Variants in TRIOBP observed in about 807,000 individuals in gnomAD.
TRIOBP encodes the protein TRIO and F-actin-binding protein.
Under a neutral mutation model 238.8 loss-of-function variants are expected in TRIOBP, and 169 were observed. The observed-to-expected ratio is 0.71, with a 90% CI of 0.62 to 0.80. The LOEUF (loss-of-function observed/expected upper bound fraction) is 0.80, where lower values mean the gene tolerates loss of function less well. TRIOBP is among the 30% of genes least tolerant of loss of function. The pLI is 0.00. For synonymous variants in TRIOBP, 1,150 were observed against 1,274.4 expected (o/e 0.90, Z 2.08); for missense variants, 2,838 against 3,122.6 (o/e 0.91, Z 2.17).
At chr22:37,751,742 C>T in intron 11 of TRIOBP, 30 bp from the exon 12 acceptor site, 1 of 1,613,898 alleles carries the variant, frequency 6.2e-7, no homozygotes, top group Non-Finnish European at 8.5e-7. Flanking sequence ...CTGCTGGACC[C>T]AACTCACCTC....
chr22:37,705,612 G>A (rs1922903710), intron 3 of TRIOBP, among the ~76,000 whole-genome samples: 1 of 151,768 alleles, frequency 6.6e-6, no homozygotes, highest in South Asian at 2.1e-4. Flanking sequence ...GTCTCGCTCT[G>A]TCGCACAGGC....
chr22:37,730,351 C>T (rs1466418364), intron 7 of TRIOBP, among the ~76,000 whole-genome samples: 1 of 152,114 alleles, frequency 6.6e-6, no homozygotes, highest in Non-Finnish European at 1.5e-5. Flanking sequence ...TCACTCTTTT[C>T]TCTCAGTTCT....
chr22:37,767,716 G>C (rs939656387), intron 18 of TRIOBP, among the ~76,000 whole-genome samples: 1 of 152,134 alleles, frequency 6.6e-6, no homozygotes, highest in Non-Finnish European at 1.5e-5. Flanking sequence ...TGCAGGGGGG[G>C]TGTACTAGGT....
In TRIOBP at chr22:37,771,968, A is replaced by G. The variant is rs1221032140; in HGVS notation, c.6936+232A>G. The G allele has an allele frequency of 7.9e-6, 5 of 635,512 alleles. No homozygotes were observed. The East Asian group carries it at 9.2e-5, about 12-fold the overall frequency. 39.4% of individuals were successfully genotyped at this position (635,512 alleles called of 1,614,324 possible). On this transcript the variant is annotated intron_variant, in intron 22 of 23. Coordinates refer to ENST00000644935, the MANE Select transcript of TRIOBP (RefSeq NM_001039141.3). ...ACTTGGCTTCTGTTTATTTAGCATT[A>G]TTTAATTTATTGATTATTATTGAGC...
In TRIOBP at chr22:37,735,036, G is replaced by A. The variant is rs202042120; in HGVS notation, c.4700G>A (p.Arg1567Gln). 1.5e-5 allele frequency: 24 copies of A among 1,608,726 alleles called. No homozygotes were observed. The highest frequency in any genetic ancestry group is 4.5e-5 in the East Asian group (2 of 44,758). Residue 1567 changes from arginine to glutamine, a missense_variant, in exon 9 of 24, where the codon CGG becomes CAG. By Grantham distance (43) the Arg-to-Gln change is conservative. This residue lies in a region of TRIOBP where 2,096 missense variants were observed against 2,137.4 expected (regional missense o/e 0.98). Coordinates refer to ENST00000644935, the MANE Select transcript of TRIOBP (RefSeq NM_001039141.3). ...LDWRDLLGLL[R>Q]APGEGVWARV... ...TGGAGGGATCTGCTTGGCCTTCTCCGGGCACCAGGAGAGGGGGTCTGGGCC... is the reference window on the plus strand; with the variant it reads ...TGGAGGGATCTGCTTGGCCTTCTCCAGGCACCAGGAGAGGGGGTCTGGGCC...
intron 9 of TRIOBP, 44 bp downstream of exon 9, chr22:37,735,486 C>A: frequency 6.5e-7 from 1 of 1,539,290 alleles, no homozygotes; most frequent in Non-Finnish European, 8.7e-7. Context: ...GAAAGTCAGC[C>A]CCACTCAGCC....
At chr22:37,722,556 G>A (rs74685717) in intron 6 of TRIOBP, among the ~76,000 whole-genome samples, 3 of 150,726 alleles carry the variant, frequency 2.0e-5, no homozygotes, top group African/African-American at 4.9e-5. Flanking sequence ...GTGAAACCCC[G>A]TCTCTACTAA....
intron 21 of TRIOBP, among the ~76,000 whole-genome samples, chr22:37,770,830 C>T (rs1926738917): frequency 6.6e-6 from 1 of 151,970 alleles, no homozygotes; most frequent in Admixed American, 6.5e-5. Context: ...CTACAGGCAC[C>T]CGCCACCACA....
In TRIOBP at chr22:37,709,579, CA is replaced by C. The variant is rs541137956; in HGVS notation, c.115-847del. ...CAGCCACCACCACCACCAGAGCCCG[CA>C]GCCCAGGTAATCCGAGAGGAGGCGG... is the stretch of plus-strand genomic sequence containing the variant. On this transcript the variant is annotated intron_variant, in intron 3 of 23. Transcript: ENST00000644935. Among the ~76,000 whole-genome samples, 5 of 152,326 alleles carry C rather than the reference CA, an allele frequency of 3.3e-5. No homozygotes were observed. The South Asian group carries it at 1.0e-3, about 32-fold the overall frequency.
At chr22:37,753,367 C>T (rs940578844) in intron 12 of TRIOBP, among the ~76,000 whole-genome samples, 3 of 152,122 alleles carry the variant, frequency 2.0e-5, no homozygotes, top group Admixed American at 6.5e-5. Flanking sequence ...TTCCGCCTCC[C>T]GGGTTCAAGC....
Position 37,715,749 on chromosome 22 carries a change from C to A in TRIOBP, c.457-14C>A, listed in dbSNP as rs1012269670. 6.2e-7 allele frequency: 1 copy of A among 1,613,530 alleles called. No homozygotes were observed. The highest frequency in any genetic ancestry group is 1.6e-4 in the Middle Eastern group (1 of 6,062). ...TCTCCCGCAAACATACTTTCTCCTC[C>A]CCTTCTCTGGCAGGACTGGGACACT... On this transcript the variant is annotated splice_polypyrimidine_tract_variant and intron_variant, in intron 5 of 23. Coordinates refer to ENST00000644935, the MANE Select transcript of TRIOBP (RefSeq NM_001039141.3).
At chr22:37,728,574 C>G (rs1427518271) in intron 7 of TRIOBP, among the ~76,000 whole-genome samples, 1 of 152,032 alleles carries the variant, frequency 6.6e-6, no homozygotes, top group Non-Finnish European at 1.5e-5. Flanking sequence ...AAACAAAAAC[C>G]CAGAGCAGTT....
At chr22:37,768,270 C>G (rs1926600266) in intron 19 of TRIOBP, 94 bp downstream of exon 19, 2 of 1,046,758 alleles carry the variant, frequency 1.9e-6, no homozygotes, top group Admixed American at 4.0e-5. Flanking sequence ...TCAGTTTGCC[C>G]CTAGCTGAGA....
chr22:37,703,757 G>A (rs1255462600), intron 3 of TRIOBP, among the ~76,000 whole-genome samples: 3 of 151,622 alleles, frequency 2.0e-5, no homozygotes, highest in Non-Finnish European at 4.4e-5. Context: ...CGCCCACCTC[G>A]ACCTCCCAAA....
intron 13 of TRIOBP, 34 bp downstream of exon 13, chr22:37,755,018 A>G: frequency 6.2e-7 from 1 of 1,611,870 alleles, no homozygotes; most frequent in Non-Finnish European, 8.5e-7. Flanking sequence ...AACCCCCGGA[A>G]GGGCCTGGGG....
intron 11 of TRIOBP, among the ~76,000 whole-genome samples, chr22:37,744,872 AT>A (rs61176488): frequency 7.4e-5 from 11 of 148,804 alleles, no homozygotes; most frequent in African/African-American, 7.4e-5. Flanking sequence ...AAAAGCAATA[AT>A]TTTTTTTTTT....
At chr22:37,707,105 TAAAAATAC>T (rs1431619212) in intron 3 of TRIOBP, among the ~76,000 whole-genome samples, 2 of 151,876 alleles carry the variant, frequency 1.3e-5, no homozygotes, top group Non-Finnish European at 2.9e-5. Flanking sequence ...CTGACTCTAC[TAAAAATAC>T]AAAAATACAA....
chr22:37,716,242 G>T (rs1923512610), intron 6 of TRIOBP, among the ~76,000 whole-genome samples: 1 of 151,022 alleles, frequency 6.6e-6, no homozygotes, highest in South Asian at 2.1e-4. Flanking sequence ...CTCCCAAGTA[G>T]CTAAGATTAC....
At chr22:37,698,918 G>A (rs918775636) in intron 2 of TRIOBP, among the ~76,000 whole-genome samples, 1 of 152,034 alleles carries the variant, frequency 6.6e-6, no homozygotes, top group Non-Finnish European at 1.5e-5. Flanking sequence ...GAGGCCGAAG[G>A]GGGCGGATCA....
Sources: allele counts gnomAD v4.1 joint callset (sites outside exome capture counted in the v4.1 genomes callset), GRCh38; gene constraint gnomAD v4.1.1; regional missense constraint gnomAD v4.1.1; transcripts MANE v1.5; gene names NCBI Gene and HGNC (gene_info 2026-07-23, HGNC 2026-07-21).